The following GLI3 variants were observed in gnomAD, a reference collection of about 807,000 sequenced individuals.
GLI3 encodes the protein transcription activator GLI3.
In GLI3, 20 loss-of-function variants were observed where a neutral mutation model predicts 100.8. The ratio of observed to expected loss-of-function variants is 0.20; its 90% CI spans 0.14 to 0.29. The LOEUF is 0.29. Among genes scored for constraint, GLI3 ranks in the 10% least tolerant of loss-of-function variants. The pLI is 1.00. For synonymous variants in GLI3, 938 were observed against 860.5 expected, an observed-to-expected ratio of 1.09 and a Z score of -1.58; for missense variants, 2,040 against 2,128.5, an observed-to-expected ratio of 0.96 and a Z score of 0.82.
chr7:42,160,815 G>T (rs750439191), intron 2 of GLI3, among the ~76,000 whole-genome samples: 2 of 152,146 alleles, frequency 1.3e-5, no homozygotes, highest in Admixed American at 6.5e-5. Context: ...ACCAGTGGAC[G>T]CCTTCACCAA....
rs983077231 is a variant in GLI3 at position 42,092,559 on chromosome 7, G to A, written c.368-15702C>T. On this transcript the variant is annotated intron_variant, in intron 3 of 14. Coordinates refer to ENST00000395925, the MANE Select transcript of GLI3 (RefSeq NM_000168.6). Reference sequence around the variant, plus strand: ...GGTTAAAGTCTGGGCACTTCTTTGCGAGAGACCCTGAGGCAGGGTCAGCTG... The same window carrying A: ...GGTTAAAGTCTGGGCACTTCTTTGCAAGAGACCCTGAGGCAGGGTCAGCTG... Among the ~76,000 whole-genome samples the A allele has an allele frequency of 3.3e-5, 5 of 152,088 alleles. No homozygotes were observed. In the South Asian group the frequency reaches 8.3e-4, roughly 25 times the overall value.
At chr7:41,990,649 A>G (rs1787959795) in intron 10 of GLI3, among the ~76,000 whole-genome samples, 1 of 152,186 alleles carries the variant, frequency 6.6e-6, no homozygotes, top group South Asian at 2.1e-4. Flanking sequence ...TGGAGAGAGT[A>G]TTTTTAATAT....
chr7:42,178,517 C>CT (rs1270771967), intron 2 of GLI3, among the ~76,000 whole-genome samples: 2 of 152,316 alleles, frequency 1.3e-5, no homozygotes, highest in East Asian at 3.9e-4. Flanking sequence ...CATCACCCCC[C>CT]TTCAAGAAGA....
At position 41,966,014 on chromosome 7, in the gene GLI3, C is replaced by G. The variant is rs1465156556; in HGVS notation, c.3059G>C (p.Arg1020Pro). The G allele has an allele frequency of 6.3e-7, 1 of 1,598,006 alleles. No homozygotes were observed. Among genetic ancestry groups the G allele is most frequent in the Non-Finnish European group, 8.5e-7 (1 of 1,178,008 alleles). The change falls in exon 15 of 15, where the codon CGT becomes CCT. Residue 1020 changes from arginine to proline, a missense_variant. Arg to Pro is a moderately radical substitution (Grantham distance 103). Transcript: ENST00000395925. This position sits in a 1 kb window ranked among gnomAD's most constrained non-coding sequence, Gnocchi z 5.8. ...RTGSEGLALP[R>P]VPRFSSLSSC... The stretch of plus-strand genomic sequence containing the variant: ...GCTGAGGCTGCTGAAGCGCGGCACA[C>G]GAGGCAGGGCCAGGCCCTCGGAGCC...
chr7:42,092,219 G>GC (rs1433455973), intron 3 of GLI3, among the ~76,000 whole-genome samples: 1 of 152,248 alleles, frequency 6.6e-6, no homozygotes, highest in Non-Finnish European at 1.5e-5. Context: ...CTCTGCAAAT[G>GC]CAAGTGGATA....
chr7:42,107,154 C>CAAAATAAAAT (rs1000468852), intron 3 of GLI3, among the ~76,000 whole-genome samples: 1 of 151,518 alleles, frequency 6.6e-6, no homozygotes, highest in African/African-American at 2.4e-5. Flanking sequence ...TGTCTCTGCT[C>CAAAATAAAAT]AAAATAAAAT....
rs542696020 is a variant in GLI3, at chr7:42,011,543, T to C, written c.1497+11925A>G. 3.9e-5 allele frequency among the ~76,000 whole-genome samples: 6 copies of C among 152,230 alleles called. No homozygotes were observed. In the East Asian group the frequency reaches 5.8e-4, roughly 15 times the overall value. On this transcript the variant is annotated intron_variant, in intron 10 of 14. Transcript: ENST00000395925. ...ATGCACGGATAAACAAAGTGTGGTATAGCCAGCCATCCAAGAGAATATTAT... is the reference window on the plus strand; with the variant it reads ...ATGCACGGATAAACAAAGTGTGGTACAGCCAGCCATCCAAGAGAATATTAT...
intron 3 of GLI3, among the ~76,000 whole-genome samples, chr7:42,089,488 T>G (rs1331300270): frequency 2.6e-5 from 4 of 152,174 alleles, no homozygotes; most frequent in African/African-American, 9.7e-5. Context: ...TGTACAGAAT[T>G]TATCACCCTC....
chr7:42,016,408 C>T (rs984493795), intron 10 of GLI3, among the ~76,000 whole-genome samples: 2 of 152,174 alleles, frequency 1.3e-5, no homozygotes, highest in African/African-American at 4.8e-5. Context: ...TGAATATTAA[C>T]CTAACCCCTG....
intron 3 of GLI3, among the ~76,000 whole-genome samples, chr7:42,078,583 T>G (rs1211973244): frequency 6.6e-6 from 1 of 151,958 alleles, no homozygotes; most frequent in African/African-American, 2.4e-5. Context: ...TGTCATAAGA[T>G]TGAGTAGGGA....
intron 2 of GLI3, 84 bp from the exon 3 acceptor site, chr7:42,148,552 G>A (rs557400508): frequency 1.4e-5 from 17 of 1,236,964 alleles, no homozygotes; most frequent in African/African-American, 7.4e-5. Context: ...TCTCATTCTC[G>A]ATATCCCTCT....
intron 3 of GLI3, among the ~76,000 whole-genome samples, chr7:42,142,429 C>G (rs193226700): frequency 3.3e-5 from 5 of 152,288 alleles, no homozygotes; most frequent in Admixed American, 2.6e-4. Flanking sequence ...TCTTTTCTTT[C>G]TCTTCCTGAC....
At chr7:42,070,995 C>T (rs1437538514) in intron 4 of GLI3, among the ~76,000 whole-genome samples, 1 of 151,970 alleles carries the variant, frequency 6.6e-6, no homozygotes. Context: ...TTTTTGAATC[C>T]TAGCTTGTTG....
At chr7:41,969,202 T>TGAATGGTGCACATG (rs1158518845) in intron 13 of GLI3, among the ~76,000 whole-genome samples, 1 of 152,136 alleles carries the variant, frequency 6.6e-6, no homozygotes, top group East Asian at 1.9e-4. Flanking sequence ...CTGCCCAAAG[T>TGAATGGTGCACATG]CACAAAGTGA....
intron 10 of GLI3, among the ~76,000 whole-genome samples, chr7:42,011,764 G>A (rs1039766717): frequency 1.3e-5 from 2 of 152,182 alleles, no homozygotes; most frequent in African/African-American, 4.8e-5. Context: ...GGCGGGGAGG[G>A]GGAATGGGAG....
chr7:42,228,110 G>T (rs1274635255), intron 1 of GLI3, among the ~76,000 whole-genome samples: 2 of 152,086 alleles, frequency 1.3e-5, no homozygotes, highest in Admixed American at 6.5e-5. Context: ...ATTAGCGGGC[G>T]CGCCGGGCCC....
At position 42,076,877 on chromosome 7, in the gene GLI3, C is replaced by A; in HGVS notation, c.368-20G>T. On this transcript the variant is annotated intron_variant, in intron 3 of 14. Coordinates refer to ENST00000395925, the MANE Select transcript of GLI3 (RefSeq NM_000168.6). ...GAGGGTCTGAAAAGAAGAGAGAGCCCAATCTATATCAAATGAACACTTTCA... is the reference window on the plus strand; with the variant it reads ...GAGGGTCTGAAAAGAAGAGAGAGCCAAATCTATATCAAATGAACACTTTCA... 1 of 1,395,892 alleles carries A rather than the reference C, an allele frequency of 7.2e-7. No homozygotes were observed. The highest frequency in any genetic ancestry group is 1.0e-6 in the Non-Finnish European group (1 of 980,740). 86.5% of individuals were successfully genotyped at this position (1,395,892 alleles called of 1,614,324 possible).
At chr7:42,108,482 T>TA (rs1399632644) in intron 3 of GLI3, among the ~76,000 whole-genome samples, 2 of 152,178 alleles carry the variant, frequency 1.3e-5, no homozygotes, top group African/African-American at 4.8e-5. Flanking sequence ...ACTGGAAAGA[T>TA]AGACTCTTCC....
intron 2 of GLI3, among the ~76,000 whole-genome samples, chr7:42,196,499 C>T (rs1232090972): frequency 1.3e-5 from 2 of 152,094 alleles, no homozygotes; most frequent in East Asian, 1.9e-4. Flanking sequence ...AAATAGAACA[C>T]CAAAAAATAT....
Sources: allele counts gnomAD v4.1 joint callset (sites outside exome capture counted in the v4.1 genomes callset), GRCh38; gene constraint gnomAD v4.1.1; non-coding constraint Gnocchi (gnomAD v3.1); transcripts MANE v1.5; gene names NCBI Gene and HGNC (gene_info 2026-07-23, HGNC 2026-07-21).